ROBO2: variants seen among roughly 807,000 people sequenced by gnomAD.
ROBO2 encodes the protein roundabout guidance receptor 2, also known as roundabout homolog 2.
Under a neutral mutation model 160.8 loss-of-function variants are expected in ROBO2, and 53 were observed. The observed-to-expected ratio is 0.33, with a 90% confidence interval of 0.26 to 0.41. The LOEUF is 0.41. ROBO2 is among the 10% of genes least tolerant of loss of function. The pLI, the probability that ROBO2 is intolerant of heterozygous loss-of-function variation, is 1.00. For missense variants in ROBO2, 1,577 were observed against 1,722.4 expected (o/e 0.92, Z 1.49); for synonymous variants, 664 against 611.7 (o/e 1.09, Z -1.26).
intron 2 of ROBO2, among the ~76,000 whole-genome samples, chr3:76,969,837 G>A (rs534140937): frequency 6.6e-6 from 1 of 151,732 alleles, no homozygotes; most frequent in African/African-American, 2.4e-5. Context: ...GTGTGTTAGT[G>A]TGTGTGTGTG....
At chr3:76,703,429 A>G (rs1435240250) in intron 2 of ROBO2, among the ~76,000 whole-genome samples, 1 of 152,142 alleles carries the variant, frequency 6.6e-6, no homozygotes, top group African/African-American at 2.4e-5. Context: ...GGTTTGTTAC[A>G]TAAGTATACA....
intron 2 of ROBO2, among the ~76,000 whole-genome samples, chr3:76,293,342 G>C (rs934996616): frequency 6.6e-6 from 1 of 152,184 alleles, no homozygotes; most frequent in African/African-American, 2.4e-5. Context: ...AACTGATGGA[G>C]AGGCACAGGC....
rs201086914 is a variant in ROBO2 at position 76,834,159 on chromosome 3, CTCTT to C, written c.110-263843_110-263840del. On this transcript the variant is annotated intron_variant, in intron 2 of 26. Transcript: ENST00000487694. ...CTTTCCTTCCTTCCTTTCTTTCTCTCTCTTTCTTTCTTTCTCTCTCTCTCTCTCT... is the reference window on the plus strand; with the variant it reads ...CTTTCCTTCCTTCCTTTCTTTCTCTCTCTTTCTTTCTCTCTCTCTCTCTCT... 5.0e-4 allele frequency among the ~76,000 whole-genome samples: 56 copies of C among 113,076 alleles called. 1 individual carries two copies. Among genetic ancestry groups the C allele is most frequent in the Non-Finnish European group, 6.6e-4 (36 of 54,752 alleles). The allele number at this position is 113,076 out of a possible 152,430, so 74.2% of individuals were successfully genotyped here.
At chr3:77,098,867 C>A (rs1297854183) in intron 2 of ROBO2, among the ~76,000 whole-genome samples, 3 of 151,838 alleles carry the variant, frequency 2.0e-5, no homozygotes, top group Non-Finnish European at 4.4e-5. Flanking sequence ...AAAAAACAAA[C>A]AAACAAACAA....
chr3:77,261,809 T>A (rs2058794173), intron 2 of ROBO2, among the ~76,000 whole-genome samples: 2 of 148,152 alleles, frequency 1.3e-5, no homozygotes, highest in South Asian at 4.3e-4. Flanking sequence ...TTGCTGTCAC[T>A]CAGGCTGGAG....
At chr3:77,159,597 A>G (rs962211366) in intron 2 of ROBO2, among the ~76,000 whole-genome samples, 1 of 152,170 alleles carries the variant, frequency 6.6e-6, no homozygotes, top group African/African-American at 2.4e-5. Context: ...GTTGTCTGAA[A>G]AATAAAAATA....
chr3:76,173,502 C>T (rs987312564), intron 2 of ROBO2, among the ~76,000 whole-genome samples: 1 of 151,814 alleles, frequency 6.6e-6, no homozygotes, highest in Non-Finnish European at 1.5e-5. Context: ...TCCTAATGCT[C>T]TCCCTCCCCT....
intron 2 of ROBO2, among the ~76,000 whole-genome samples, chr3:76,861,345 A>G (rs969627999): frequency 2.0e-5 from 3 of 152,164 alleles, no homozygotes; most frequent in African/African-American, 7.2e-5. Flanking sequence ...GGTTGTTTTG[A>G]GGATTAGAGG....
chr3:76,098,433 T>A (rs2069543070), intron 2 of ROBO2, among the ~76,000 whole-genome samples: 1 of 151,790 alleles, frequency 6.6e-6, no homozygotes, highest in African/African-American at 2.4e-5. Flanking sequence ...TGTGTTTGGA[T>A]GAGTTTTAAG....
intron 2 of ROBO2, among the ~76,000 whole-genome samples, chr3:77,464,368 C>T (rs1021129355): frequency 6.6e-6 from 1 of 152,004 alleles, no homozygotes; most frequent in South Asian, 2.1e-4. Context: ...GAGGGGATTT[C>T]GAGTGCATTC....
Position 76,742,231 on chromosome 3 carries a change from TG to T in ROBO2, c.110-355782del, listed in dbSNP as rs568176715. Among the ~76,000 whole-genome samples, 7 of 152,286 alleles carry T rather than the reference TG, an allele frequency of 4.6e-5. 1 individual carries two copies. In the South Asian group the frequency reaches 1.5e-3, roughly 32 times the overall value. On this transcript the variant is annotated intron_variant, in intron 2 of 26. Coordinates refer to the ROBO2 transcript ENST00000487694. ...CATATTTTACCTAAAGAAGACATTT[TG>T]TAGAACTGCCTATACCCTTAATTTT... is the stretch of plus-strand genomic sequence containing the variant.
intron 5 of ROBO2, among the ~76,000 whole-genome samples, chr3:77,509,764 G>A (rs934474962): frequency 4.6e-5 from 7 of 152,004 alleles, no homozygotes; most frequent in Non-Finnish European, 8.8e-5. Flanking sequence ...TACAGCCTTC[G>A]TTTATTCCCT....
At chr3:76,815,388 G>A (rs1292052756) in intron 2 of ROBO2, among the ~76,000 whole-genome samples, 2 of 151,336 alleles carry the variant, frequency 1.3e-5, no homozygotes, top group African/African-American at 4.9e-5. Flanking sequence ...GCACAACTAT[G>A]TAAATGTTTG....
intron 1 of ROBO2, among the ~76,000 whole-genome samples, chr3:75,925,227 T>C (rs1465871608): frequency 3.3e-5 from 5 of 151,744 alleles, no homozygotes. Flanking sequence ...ACCCCATCTC[T>C]ACAAAAAATA....
intron 2 of ROBO2, among the ~76,000 whole-genome samples, chr3:76,522,614 A>AC (rs1214353797): frequency 2.0e-5 from 3 of 152,182 alleles, no homozygotes; most frequent in African/African-American, 7.2e-5. Context: ...TCCAAAGGAA[A>AC]CTATGAGTTC....
chr3:76,902,232 G>A (rs1348163031), intron 2 of ROBO2, among the ~76,000 whole-genome samples: 1 of 151,692 alleles, frequency 6.6e-6, no homozygotes, highest in Non-Finnish European at 1.5e-5. Flanking sequence ...GTAATAAATA[G>A]CTTTGTTTGC....
intron 2 of ROBO2, among the ~76,000 whole-genome samples, chr3:76,656,870 A>T (rs1006533291): frequency 1.3e-5 from 2 of 152,136 alleles, no homozygotes; most frequent in Non-Finnish European, 2.9e-5. Flanking sequence ...TTTTATGCAA[A>T]ATTAAAAGTT....
Position 76,981,604 on chromosome 3 carries a change from T to C in ROBO2, c.110-116410T>C, listed in dbSNP as rs145149507. Among the ~76,000 whole-genome samples the C allele has an allele frequency of 2.1e-4, 32 of 152,336 alleles. No individual in the cohort carries two copies. The East Asian group carries it at 6.0e-3, about 28-fold the overall frequency. On this transcript the variant is annotated intron_variant, in intron 2 of 26. Coordinates refer to the ROBO2 transcript ENST00000487694. ...TAACTTTCTAATATTCTGTGGGTTT[T>C]ATTTTTACTCTCTTCACAATATCTG...
Position 75,929,172 on chromosome 3 carries a change from C to CGTGTGT in ROBO2, c.-13-8272_-13-8267dup, listed in dbSNP as rs35861088. ...ACATGAGATCTGCAGCTGGATAAGA[C>CGTGTGT]GTGTGTGTGTGTGTGTGTGTGTGTG... On this transcript the variant is annotated intron_variant, in intron 1 of 26. Coordinates refer to the ROBO2 transcript ENST00000487694. 2.6e-4 allele frequency among the ~76,000 whole-genome samples: 29 copies of CGTGTGT among 113,604 alleles called. 1 individual carries two copies. Among genetic ancestry groups the CGTGTGT allele is most frequent in the African/African-American group, 7.5e-4 (17 of 22,628 alleles). 74.5% of individuals were successfully genotyped at this position (113,604 alleles called of 152,430 possible).
Sources: allele counts gnomAD v4.1 joint callset (sites outside exome capture counted in the v4.1 genomes callset), GRCh38; gene constraint gnomAD v4.1.1; transcripts MANE v1.5; gene names NCBI Gene and HGNC (gene_info 2026-07-23, HGNC 2026-07-21).